SLC12A9: variants seen among roughly 807,000 people sequenced by gnomAD.
SLC12A9 encodes the protein solute carrier family 12 member 9.
A neutral mutation model predicts 66.0 loss-of-function variants in SLC12A9; 55 were observed. That is an observed-to-expected ratio of 0.83 (90% CI 0.67 to 1.04). The LOEUF (loss-of-function observed/expected upper bound fraction) is 1.04, where lower values mean the gene tolerates loss of function less well. Ranked by LOEUF, SLC12A9 falls within the 50% of genes least tolerant of loss-of-function variation. SLC12A9 has a pLI of 0.00. For synonymous variants in SLC12A9, 577 were observed against 569.0 expected (o/e 1.01, Z -0.20); for missense variants, 1,061 against 1,241.9 (o/e 0.85, Z 2.19).
rs761063621 is a variant in SLC12A9, at chr7:100,866,032, G to A, written c.2172G>A (p.Val724=). ...GGGGCACCTCTCAGCTGCACCATGT[G>A]GACGTGTGGCCCCTCAACCTGCTGC... is the stretch of plus-strand genomic sequence containing the variant. ...GSGGTSQLHH[V]DVWPLNLLRP... Residue 724 remains valine, a synonymous_variant, in exon 14 of 14, where the codon GTG becomes GTA. Coordinates refer to ENST00000354161, the MANE Select transcript of SLC12A9 (RefSeq NM_020246.4). This position sits in a 1 kb window ranked among gnomAD's most constrained non-coding sequence, Gnocchi z 7.3. 2 of 1,612,808 alleles carry A rather than the reference G, an allele frequency of 1.2e-6. No individual in the cohort carries two copies. The highest frequency in any genetic ancestry group is 1.7e-6 in the Non-Finnish European group (2 of 1,179,868).
chr7:100,864,979 A>G (rs962990927), intron 13 of SLC12A9, among the ~76,000 whole-genome samples: 3 of 151,320 alleles, frequency 2.0e-5, no homozygotes, highest in African/African-American at 7.3e-5. Flanking sequence ...TTTTTTTGAG[A>G]TGGAGTCTCG....
intron 1 of SLC12A9, among the ~76,000 whole-genome samples, chr7:100,834,551 G>C (rs887566219): frequency 6.6e-6 from 1 of 152,076 alleles, no homozygotes; most frequent in African/African-American, 2.4e-5. Context: ...GTGTGTGTTG[G>C]GGGGGATGGT....
At chr7:100,829,871 T>C (rs1385663823) in intron 1 of SLC12A9, among the ~76,000 whole-genome samples, 1 of 147,704 alleles carries the variant, frequency 6.8e-6, no homozygotes, top group African/African-American at 2.5e-5. Context: ...CTACTAAAAA[T>C]ACAAAAATCA....
chr7:100,844,044 C>G (rs1813845752), intron 1 of SLC12A9, among the ~76,000 whole-genome samples: 1 of 152,140 alleles, frequency 6.6e-6, no homozygotes, highest in Admixed American at 6.5e-5. Context: ...GACTGGTCCA[C>G]GCATGGCCGA....
intron 1 of SLC12A9, chr7:100,827,493 G>T: frequency 6.6e-6 from 1 of 151,682 alleles, no homozygotes; most frequent in South Asian, 1.9e-4. Flanking sequence ...GGGCGGGCCG[G>T]GCCGGGCAGG....
intron 9 of SLC12A9, 115 bp downstream of exon 9, chr7:100,860,347 G>T (rs972044292): frequency 1.9e-6 from 2 of 1,054,404 alleles, no homozygotes; most frequent in African/African-American, 1.6e-5. Flanking sequence ...TGCACTTGGG[G>T]TTGCACTGGC....
rs1813652339 is a variant in SLC12A9, at chr7:100,836,074, A to T, written n.228+9027A>T. Among the ~76,000 whole-genome samples the T allele has an allele frequency of 2.0e-5, 3 of 152,170 alleles. No homozygotes were observed. The South Asian group carries it at 6.2e-4, about 32-fold the overall frequency. On this transcript the variant is annotated intron_variant and non_coding_transcript_variant, in intron 1 of 1. Transcript: ENST00000461016. ...TCTCTTCCCCTGACAGCCTGGCAGG[A>T]TATGAGGCCAAGCCCCCCCATGCCA...
intron 1 of SLC12A9, among the ~76,000 whole-genome samples, chr7:100,836,091 C>A (rs1023112702): frequency 1.3e-5 from 2 of 152,198 alleles, no homozygotes; most frequent in South Asian, 2.1e-4. Context: ...GCCAAGCCCC[C>A]CCATGCCAGC....
chr7:100,856,806 A>G (rs1290965432), intron 4 of SLC12A9, 62 bp from the exon 5 acceptor site: 8 of 1,478,696 alleles, frequency 5.4e-6, no homozygotes, highest in African/African-American at 2.8e-5. Context: ...GCCGCCCACC[A>G]TGCCCGGCTG....
At position 100,866,573 on chromosome 7, in the gene SLC12A9, G is replaced by C. The variant is rs1189894537; in HGVS notation, c.2713G>C (p.Gly905Arg). Residue 905 changes from glycine (G) to arginine (R), a missense_variant, in exon 14 of 14, where the codon GGG becomes CGG. Coordinates refer to ENST00000354161, the MANE Select transcript of SLC12A9 (RefSeq NM_020246.4). This position sits in a 1 kb window ranked among gnomAD's most constrained non-coding sequence, Gnocchi z 7.3. Reference sequence around the variant, plus strand: ...CCTGGGCCCCACGCTGCTGGTTCATGGGGTCACTCCAGTCACCTGCACTGA... The same window carrying C: ...CCTGGGCCCCACGCTGCTGGTTCATCGGGTCACTCCAGTCACCTGCACTGA... ...RDLGPTLLVH[G>R]VTPVTCTDL 1 of 1,588,924 alleles carries C rather than the reference G, an allele frequency of 6.3e-7. No homozygotes were observed. The highest frequency in any genetic ancestry group is 8.6e-7 in the Non-Finnish European group (1 of 1,168,970).
At chr7:100,857,897 G>C (rs887375062) in intron 5 of SLC12A9, 2 of 152,152 alleles carry the variant, frequency 1.3e-5, no homozygotes, top group Non-Finnish European at 2.9e-5. Context: ...CTCCAGCCTG[G>C]GAGACAGTGA....
Position 100,855,782 on chromosome 7 carries a change from C to T in SLC12A9, c.393C>T (p.Gly131=). The change falls in exon 4 of 14, where the codon GGC becomes GGT. Residue 131 remains glycine, a synonymous_variant. Coordinates refer to ENST00000354161, the MANE Select transcript of SLC12A9 (RefSeq NM_020246.4). ...TGTTCTACCTGGCTAACGTCTGTGGCTGTGCCGTCTCCCTCCTGGGGCTGG... is the reference window on the plus strand; with the variant it reads ...TGTTCTACCTGGCTAACGTCTGTGGTTGTGCCGTCTCCCTCCTGGGGCTGG... ...GLMFYLANVC[G]CAVSLLGLVE... is the part of the protein sequence containing the mutation. 1.2e-6 allele frequency: 2 copies of T among 1,613,950 alleles called. No individual in the cohort carries two copies. Among genetic ancestry groups the T allele is most frequent in the Non-Finnish European group, 1.7e-6 (2 of 1,179,894 alleles).
intron 13 of SLC12A9, 115 bp downstream of exon 13, chr7:100,862,942 C>G (rs559703621): frequency 3.9e-6 from 5 of 1,285,110 alleles, no homozygotes; most frequent in Non-Finnish European, 5.5e-6. Flanking sequence ...ACCTTATAGT[C>G]GAGAGGAGAT....
chr7:100,859,735 C>T (rs1422488512), intron 7 of SLC12A9, 150 bp from the exon 8 acceptor site: 1 of 960,136 alleles, frequency 1.0e-6, no homozygotes, highest in East Asian at 2.5e-5. Context: ...GGAATGACCA[C>T]TGAGTGATTA....
intron 1 of SLC12A9, among the ~76,000 whole-genome samples, chr7:100,839,525 G>A (rs781018358): frequency 1.2e-4 from 18 of 152,210 alleles, no homozygotes; most frequent in Non-Finnish European, 2.2e-4. Context: ...CTCCTTAGGC[G>A]GCTTAAGCCT....
intron 13 of SLC12A9, among the ~76,000 whole-genome samples, chr7:100,864,559 G>C (rs2116651942): frequency 9.2e-6 from 1 of 109,280 alleles, no homozygotes; most frequent in Non-Finnish European, 2.0e-5. Flanking sequence ...GATTCCACAA[G>C]GGTTGTTCAA....
chr7:100,843,607 C>T (rs1813833877), intron 1 of SLC12A9, among the ~76,000 whole-genome samples: 1 of 152,162 alleles, frequency 6.6e-6, no homozygotes, highest in Admixed American at 6.5e-5. Flanking sequence ...AAGGCTGGCC[C>T]CCAGGTTTAA....
intron 1 of SLC12A9, among the ~76,000 whole-genome samples, chr7:100,834,580 G>A (rs1265016100): frequency 1.3e-5 from 2 of 152,054 alleles, no homozygotes; most frequent in East Asian, 1.9e-4. Context: ...GTATGGAGCC[G>A]GGGAGGATTC....
In SLC12A9 at chr7:100,866,029, T is replaced by C. The variant is rs2115587238; in HGVS notation, c.2169T>C (p.His723=). The part of the protein sequence containing the change: ...RGSGGTSQLH[H]VDVWPLNLLR... ...CTGGGGGCACCTCTCAGCTGCACCATGTGGACGTGTGGCCCCTCAACCTGC... is the reference window on the plus strand; with the variant it reads ...CTGGGGGCACCTCTCAGCTGCACCACGTGGACGTGTGGCCCCTCAACCTGC... The change falls in exon 14 of 14, where the codon CAT becomes CAC. Residue 723 remains histidine (H), a synonymous_variant. Coordinates refer to ENST00000354161, the MANE Select transcript of SLC12A9 (RefSeq NM_020246.4). This position sits in a 1 kb window ranked among gnomAD's most constrained non-coding sequence, Gnocchi z 7.3. 1 of 1,612,754 alleles carries C rather than the reference T, an allele frequency of 6.2e-7. No homozygotes were observed. Among genetic ancestry groups the C allele is most frequent in the East Asian group, 2.2e-5 (1 of 44,856 alleles).
Sources: allele counts gnomAD v4.1 joint callset (sites outside exome capture counted in the v4.1 genomes callset), GRCh38; gene constraint gnomAD v4.1.1; non-coding constraint Gnocchi (gnomAD v3.1); transcripts MANE v1.5; gene names NCBI Gene and HGNC (gene_info 2026-07-23, HGNC 2026-07-21).